NUDT1: variants seen among roughly 807,000 people sequenced by gnomAD.
NUDT1 encodes oxidized purine nucleoside triphosphate hydrolase.
In NUDT1, 16 loss-of-function variants were observed where a neutral mutation model predicts 11.3. That is an observed-to-expected ratio of 1.41 (90% confidence interval 0.96 to 2.15). The LOEUF (loss-of-function observed/expected upper bound fraction) is 2.15. NUDT1 is among the 30% of genes most tolerant of loss of function. The pLI, the probability that NUDT1 is intolerant of heterozygous loss-of-function variation, is 0.00. For synonymous variants in NUDT1, 101 were observed against 84.4 expected (o/e 1.20, Z -1.08); for missense variants, 234 against 208.4 (o/e 1.12, Z -0.76).
At position 2,242,948 on chromosome 7, in the gene NUDT1, G is replaced by A. The variant is rs80139051; in HGVS notation, c.-13+692G>A. On this transcript the variant is annotated intron_variant, in intron 1 of 3. Coordinates refer to ENST00000356714, the MANE Select transcript of NUDT1 (RefSeq NM_002452.4). ...AGGTTTCTTGCCTTGATGTACTGGA[G>A]CAATCAGATCACACGGCGGCTTGGA... 747 of 714,334 alleles carry A rather than the reference G, an allele frequency of 1.0e-3. 4 individuals are homozygous for A. The African/African-American group carries it at 0.011, about 11-fold the overall frequency. 44.2% of individuals were successfully genotyped at this position (714,334 alleles called of 1,614,324 possible).
intron 1 of NUDT1, among the ~76,000 whole-genome samples, chr7:2,244,010 G>A (rs1375852831): frequency 6.6e-6 from 1 of 152,186 alleles, no homozygotes; most frequent in African/African-American, 2.4e-5. Flanking sequence ...GGGAGGACTA[G>A]CCGGGCCTGG....
chr7:2,242,299 A>T, intron 1 of NUDT1, 43 bp downstream of exon 1: 1 of 885,952 alleles, frequency 1.1e-6, no homozygotes, highest in South Asian at 1.8e-5. Flanking sequence ...CGTGGTGACC[A>T]GGGAGGGGAG....
intron 2 of NUDT1, among the ~76,000 whole-genome samples, chr7:2,245,153 G>C (rs1794722424): frequency 6.6e-6 from 1 of 152,146 alleles, no homozygotes; most frequent in South Asian, 2.1e-4. Flanking sequence ...CACACTCGCT[G>C]TGCACAAAGC....
chr7:2,245,109 G>C (rs995846871), intron 2 of NUDT1, among the ~76,000 whole-genome samples: 1 of 152,152 alleles, frequency 6.6e-6, no homozygotes, highest in Admixed American at 6.6e-5. Flanking sequence ...TGGTTCCTCT[G>C]TCTGTTCAGT....
In NUDT1 at chr7:2,251,022, T is replaced by C. The variant is rs1209211226; in HGVS notation, c.*21T>C. On this transcript the variant is annotated 3_prime_UTR_variant, in exon 4 of 4. Coordinates refer to ENST00000356714, the MANE Select transcript of NUDT1 (RefSeq NM_002452.4). ...TCTAGCGGGAGCCCAGGGCAGCCCC[T>C]GGGCAGGAGACGTGGCTGCTGAACA... 1 of 1,612,148 alleles carries C rather than the reference T, an allele frequency of 6.2e-7. No individual in the cohort carries two copies. Among genetic ancestry groups the C allele is most frequent in the Non-Finnish European group, 8.5e-7 (1 of 1,179,184 alleles).
chr7:2,242,441 G>T (rs752360666), intron 1 of NUDT1, 185 bp downstream of exon 1: 9 of 494,770 alleles, frequency 1.8e-5, no homozygotes, highest in Non-Finnish European at 2.9e-5. Flanking sequence ...GGGGCCGGGG[G>T]TTTGGGAGAG....
At chr7:2,243,005 G>T in intron 1 of NUDT1, 1 of 717,248 alleles carries the variant, frequency 1.4e-6, no homozygotes. Context: ...AGTGGAATTA[G>T]CCCTCAGCAG....
At chr7:2,244,520 C>A in intron 1 of NUDT1, 43 bp from the exon 2 acceptor site, 14 of 1,493,438 alleles carry the variant, frequency 9.4e-6, no homozygotes, top group Non-Finnish European at 1.2e-5. Flanking sequence ...GTGCTTCCTC[C>A]ACGCACGTCA....
In NUDT1 at chr7:2,244,865, C is replaced by T; in HGVS notation, c.152+139C>T. On this transcript the variant is annotated intron_variant, in intron 2 of 3. Coordinates refer to ENST00000356714, the MANE Select transcript of NUDT1 (RefSeq NM_002452.4). ...GGTTAAGCGTGAGCCTCAGTGTCTT[C>T]ATCTCAGAATGAAGAACAGTCCGCA... The T allele has an allele frequency of 4.0e-6, 4 of 998,612 alleles. No individual in the cohort carries two copies. The Admixed American group carries it at 1.1e-4, about 27-fold the overall frequency. The allele number at this position is 998,612 out of a possible 1,614,324, so 61.9% of individuals were successfully genotyped here. A position where few individuals can be genotyped will look rare whatever the true frequency, so the allele number is the denominator to read the frequency against.
chr7:2,245,559 G>A (rs1794737046), intron 2 of NUDT1, among the ~76,000 whole-genome samples: 1 of 152,136 alleles, frequency 6.6e-6, no homozygotes, highest in Non-Finnish European at 1.5e-5. Context: ...ACATAAAAGG[G>A]GGCTCTACTT....
At position 2,244,721 on chromosome 7, in the gene NUDT1, T is replaced by A; in HGVS notation, c.147T>A (p.Ala49=). The change falls in exon 2 of 4, where the codon GCT becomes GCA. Residue 49 remains alanine, a synonymous_variant. Transcript: ENST00000356714. ...VQEGETIEDG[A]RRELQEESGL... Reference sequence around the variant, plus strand: ...AAGGAGAGACCATCGAGGATGGGGCTAGGAGGTAAGGATGGGGCAGGTCTG... The same window carrying A: ...AAGGAGAGACCATCGAGGATGGGGCAAGGAGGTAAGGATGGGGCAGGTCTG... 1 of 1,609,354 alleles carries A rather than the reference T, an allele frequency of 6.2e-7. No individual in the cohort carries two copies. The highest frequency in any genetic ancestry group is 1.1e-5 in the South Asian group (1 of 90,168).
intron 2 of NUDT1, among the ~76,000 whole-genome samples, chr7:2,246,650 C>T (rs150014474): frequency 5.3e-4 from 80 of 152,322 alleles, no homozygotes; most frequent in African/African-American, 1.8e-3. Context: ...TTTCCTCCTA[C>T]CCTCTGTAAA....
rs1376915238 is a variant in NUDT1, at chr7:2,250,010, T to G, written c.298+8T>G. On this transcript the variant is annotated splice_region_variant and intron_variant, in intron 3 of 3. Coordinates refer to ENST00000356714, the MANE Select transcript of NUDT1 (RefSeq NM_002452.4). The stretch of plus-strand genomic sequence containing the variant: ...CCCCCGTGGAGAGCGACGGTGAGTC[T>G]CACAGGGCCTGCTCCCCCTCCCCAC... 1.9e-6 allele frequency: 3 copies of G among 1,613,460 alleles called. No homozygotes were observed. Among genetic ancestry groups the G allele is most frequent in the Non-Finnish European group, 2.5e-6 (3 of 1,179,916 alleles).
chr7:2,244,564 A>T lies in NUDT1; in HGVS notation c.-11A>T. ...TCTGCCCTCTCACCTTCCTTTCAGAACCCAGGGACCATGGGCGCCTCCAGG... is the reference window on the plus strand; with the variant it reads ...TCTGCCCTCTCACCTTCCTTTCAGATCCCAGGGACCATGGGCGCCTCCAGG... On this transcript the variant is annotated splice_region_variant and 5_prime_UTR_variant, in exon 2 of 4. Coordinates refer to ENST00000356714, the MANE Select transcript of NUDT1 (RefSeq NM_002452.4). The T allele has an allele frequency of 6.4e-7, 1 of 1,556,716 alleles. No individual in the cohort carries two copies. Among genetic ancestry groups the T allele is most frequent in the Non-Finnish European group, 8.7e-7 (1 of 1,149,962 alleles).
Position 2,242,242 on chromosome 7 carries a change from GAAGCGGCGGTGCAGGTACGAA to G in NUDT1, c.-21_-13+12del. The stretch of plus-strand genomic sequence containing the variant: ...CTTCCGGTCAGAGGCCACGCCCCCG[GAAGCGGCGGTGCAGGTACGAA>G]AAGCGCGCGCGGGGATTCCAGGAGT... On this transcript the variant is annotated splice_donor_variant and splice_donor_5th_base_variant and 5_prime_UTR_variant and intron_variant, in exon 1 of 4. Coordinates refer to ENST00000356714, the MANE Select transcript of NUDT1 (RefSeq NM_002452.4). LOFTEE classifies it low-confidence loss of function (5UTR_SPLICE). 6.8e-7 allele frequency: 1 copy of G among 1,465,280 alleles called. No individual in the cohort carries two copies. The highest frequency in any genetic ancestry group is 9.1e-7 in the Non-Finnish European group (1 of 1,103,184). 90.8% of individuals were successfully genotyped at this position (1,465,280 alleles called of 1,614,324 possible).
chr7:2,247,292 G>T (rs994388149), intron 2 of NUDT1, among the ~76,000 whole-genome samples: 1 of 152,220 alleles, frequency 6.6e-6, no homozygotes, highest in Non-Finnish European at 1.5e-5. Context: ...CTAACTCCCA[G>T]GCCAAGAGCC....
rs962976346 is a variant in NUDT1 at position 2,242,283 on chromosome 7, A to T, written c.-13+27A>T. On this transcript the variant is annotated intron_variant, in intron 1 of 3. Coordinates refer to ENST00000356714, the MANE Select transcript of NUDT1 (RefSeq NM_002452.4). ...TACGAAAAGCGCGCGCGGGGATTCC[A>T]GGAGTCGTGGTGACCAGGGAGGGGA... The T allele has an allele frequency of 3.7e-6, 4 of 1,094,774 alleles. No homozygotes were observed. The South Asian group carries it at 4.8e-5, about 13-fold the overall frequency. 67.8% of individuals were successfully genotyped at this position (1,094,774 alleles called of 1,614,324 possible). A position where few individuals can be genotyped will look rare whatever the true frequency, so the allele number is the denominator to read the frequency against.
chr7:2,246,551 C>T (rs1794773180), intron 2 of NUDT1, among the ~76,000 whole-genome samples: 1 of 152,232 alleles, frequency 6.6e-6, no homozygotes, highest in Non-Finnish European at 1.5e-5. Context: ...TGGATTTCCG[C>T]TTCTCGTCCT....
At chr7:2,247,336 G>A (rs1794807607) in intron 2 of NUDT1, among the ~76,000 whole-genome samples, 1 of 152,236 alleles carries the variant, frequency 6.6e-6, no homozygotes, top group Non-Finnish European at 1.5e-5. Flanking sequence ...CCTGCAGGGG[G>A]CAGGCCTGAG....
Sources: gnomAD v4.1 joint callset for allele counts (sites outside exome capture counted in the v4.1 genomes callset) on GRCh38, gnomAD v4.1.1 for gene constraint, MANE v1.5 for transcripts, NCBI Gene and HGNC (gene_info 2026-07-23, HGNC 2026-07-21) for gene names.